Variants in ADIPOR2 observed in about 807,000 individuals in gnomAD.
ADIPOR2 encodes the protein adiponectin receptor protein 2.
Under a neutral mutation model 40.9 loss-of-function variants are expected in ADIPOR2, and 18 were observed. That is an observed-to-expected ratio of 0.44 (90% CI 0.30 to 0.65). ADIPOR2 has a LOEUF of 0.65. ADIPOR2 is among the 30% of genes least tolerant of loss of function. ADIPOR2 has a pLI of 0.09. For missense variants in ADIPOR2, 283 were observed against 479.2 expected, an observed-to-expected ratio of 0.59 and a Z score of 3.82; for synonymous variants, 165 against 166.4, an observed-to-expected ratio of 0.99 and a Z score of 0.06.
At chr12:1,765,069 C>T (rs1592622150) in intron 2 of ADIPOR2, among the ~76,000 whole-genome samples, 2 of 151,980 alleles carry the variant, frequency 1.3e-5, no homozygotes, top group South Asian at 2.1e-4. Flanking sequence ...GGAATTACTG[C>T]GTTAGGAAGA....
At chr12:1,715,647 C>T (rs2094685996) in intron 1 of ADIPOR2, among the ~76,000 whole-genome samples, 1 of 152,184 alleles carries the variant, frequency 6.6e-6, no homozygotes, top group Admixed American at 6.5e-5. Flanking sequence ...CTAGAGTGGG[C>T]ATCGCCCAAT....
At chr12:1,740,281 C>T (rs1381573414) in intron 1 of ADIPOR2, among the ~76,000 whole-genome samples, 1 of 152,186 alleles carries the variant, frequency 6.6e-6, no homozygotes, top group Non-Finnish European at 1.5e-5. Context: ...TAAAGTACTG[C>T]AGACTGGGTG....
At chr12:1,764,659 C>T (rs932853474) in intron 2 of ADIPOR2, among the ~76,000 whole-genome samples, 1 of 152,066 alleles carries the variant, frequency 6.6e-6, no homozygotes, top group South Asian at 2.1e-4. Context: ...AACCAGCACT[C>T]CTGGAGGTCT....
chr12:1,700,555 C>T (rs2094648112), intron 1 of ADIPOR2, among the ~76,000 whole-genome samples: 1 of 152,058 alleles, frequency 6.6e-6, no homozygotes, highest in African/African-American at 2.4e-5. Context: ...AGGGAAAGGA[C>T]AAAGCATATA....
chr12:1,708,844 C>T (rs200469342), intron 1 of ADIPOR2, among the ~76,000 whole-genome samples: 2 of 152,054 alleles, frequency 1.3e-5, no homozygotes, highest in East Asian at 1.9e-4. Flanking sequence ...CTCAGCCTCC[C>T]GAGTAGCTGG....
At position 1,783,793 on chromosome 12, in the gene ADIPOR2, C is replaced by A. The variant is rs184560128; in HGVS notation, c.839-87C>A. 302 of 1,092,406 alleles carry A rather than the reference C, an allele frequency of 2.8e-4. 1 individual carries two copies. In the African/African-American group the frequency reaches 4.6e-3, roughly 17 times the overall value. The allele number at this position is 1,092,406 out of a possible 1,614,324, so 67.7% of individuals were successfully genotyped here. A position where few individuals can be genotyped will look rare whatever the true frequency, so the allele number is the denominator to read the frequency against. On this transcript the variant is annotated intron_variant, in intron 6 of 7. Coordinates refer to ENST00000357103, the MANE Select transcript of ADIPOR2 (RefSeq NM_024551.3). ...ATGCTACTTTGAAATATTCAGTTTA[C>A]AGAGTTAATGGTGCTGTGCTGTAAT... is the stretch of plus-strand genomic sequence containing the variant.
intron 1 of ADIPOR2, among the ~76,000 whole-genome samples, chr12:1,748,550 C>T (rs145960362): frequency 1.6e-4 from 25 of 151,978 alleles, no homozygotes; most frequent in South Asian, 4.2e-4. Context: ...GCCTGGCCTG[C>T]GTTTTACATT....
chr12:1,781,476 ATT>A (rs991199662), intron 6 of ADIPOR2, among the ~76,000 whole-genome samples: 2 of 151,936 alleles, frequency 1.3e-5, no homozygotes, highest in Non-Finnish European at 2.9e-5. Flanking sequence ...TTTGTTTTAT[ATT>A]TTTATTTTAT....
intron 1 of ADIPOR2, among the ~76,000 whole-genome samples, chr12:1,705,573 G>T (rs1252348659): frequency 6.6e-6 from 1 of 152,068 alleles, no homozygotes; most frequent in Non-Finnish European, 1.5e-5. Flanking sequence ...TTAGACTTGG[G>T]TTATATCCCC....
chr12:1,746,641 T>G (rs1305279972), intron 1 of ADIPOR2, among the ~76,000 whole-genome samples: 1 of 152,184 alleles, frequency 6.6e-6, no homozygotes, highest in Non-Finnish European at 1.5e-5. Context: ...ATTGACCTCA[T>G]TGAGCAACAG....
chr12:1,779,203 A>G (rs1019330147), intron 4 of ADIPOR2, among the ~76,000 whole-genome samples: 4 of 152,244 alleles, frequency 2.6e-5, no homozygotes, highest in African/African-American at 9.6e-5. Context: ...ACATGTTCAC[A>G]TAAAAACATG....
chr12:1,715,688 A>G (rs1386505403), intron 1 of ADIPOR2, among the ~76,000 whole-genome samples: 2 of 152,070 alleles, frequency 1.3e-5, no homozygotes, highest in African/African-American at 4.8e-5. Context: ...TCCTGTTTAG[A>G]GGGGGGATTG....
chr12:1,716,535 G>A (rs1357414821), intron 1 of ADIPOR2, among the ~76,000 whole-genome samples: 2 of 152,116 alleles, frequency 1.3e-5, no homozygotes, highest in African/African-American at 2.4e-5. Context: ...AAAAAATAAT[G>A]CATTTACAAC....
At chr12:1,765,148 A>C (rs1350812307) in intron 2 of ADIPOR2, among the ~76,000 whole-genome samples, 1 of 152,118 alleles carries the variant, frequency 6.6e-6, no homozygotes, top group African/African-American at 2.4e-5. Flanking sequence ...CACATTTTAA[A>C]TATTAGTTTG....
intron 1 of ADIPOR2, among the ~76,000 whole-genome samples, chr12:1,718,157 TA>T (rs1265886760): frequency 6.6e-6 from 1 of 152,158 alleles, no homozygotes; most frequent in Non-Finnish European, 1.5e-5. Flanking sequence ...AATGTAGGCT[TA>T]AAAAAATTAT....
intron 2 of ADIPOR2, 73 bp from the exon 3 acceptor site, chr12:1,772,769 C>A: frequency 1.3e-6 from 2 of 1,491,038 alleles, no homozygotes; most frequent in Non-Finnish European, 1.8e-6. Flanking sequence ...TATAATTCCA[C>A]AAGGGAAATG....
chr12:1,733,565 C>G (rs2094724658), intron 1 of ADIPOR2, among the ~76,000 whole-genome samples: 1 of 152,094 alleles, frequency 6.6e-6, no homozygotes, highest in Non-Finnish European at 1.5e-5. Context: ...CATACATTTA[C>G]AGGTTTGGAA....
intron 6 of ADIPOR2, 141 bp from the exon 7 acceptor site, chr12:1,783,739 T>G: frequency 1.5e-6 from 1 of 687,820 alleles, no homozygotes; most frequent in Non-Finnish European, 2.2e-6. Flanking sequence ...GAACCTTCTT[T>G]TTCCTTTAAA....
At chr12:1,710,137 CTGTAAAATGGACCAATCAGTGCTT>C (rs560045429) in intron 1 of ADIPOR2, among the ~76,000 whole-genome samples, 23 of 152,278 alleles carry the variant, frequency 1.5e-4, no homozygotes, top group Admixed American at 9.8e-4. Context: ...CCTCAGCACA[CTGTAAAATGGACCAATCAGTGCTT>C]TGTAAAATGG....
Sources: gnomAD v4.1 joint callset for allele counts (sites outside exome capture counted in the v4.1 genomes callset) on GRCh38, gnomAD v4.1.1 for gene constraint, MANE v1.5 for transcripts, NCBI Gene and HGNC (gene_info 2026-07-23, HGNC 2026-07-21) for gene names.